Variants in TBC1D32 observed in about 807,000 individuals in gnomAD.
TBC1D32 encodes TBC1 domain family member 32, also known as protein broad-minded.
A neutral mutation model predicts 170.3 loss-of-function variants in TBC1D32; 151 were observed. The observed-to-expected ratio is 0.89, with a 90% confidence interval of 0.78 to 1.01. TBC1D32 has a LOEUF of 1.01. Among genes scored for constraint, TBC1D32 ranks in the 50% least tolerant of loss-of-function variants. The pLI is 0.00. For missense variants in TBC1D32, 1,464 were observed against 1,457.1 expected, an observed-to-expected ratio of 1.00 and a Z score of -0.08; for synonymous variants, 498 against 488.0, an observed-to-expected ratio of 1.02 and a Z score of -0.27.
chr6:121,307,878 G>T, intron 5 of TBC1D32, 98 bp downstream of exon 5: 1 of 1,363,742 alleles, frequency 7.3e-7, no homozygotes, highest in Non-Finnish European at 9.8e-7. Flanking sequence ...AAACAAAAAA[G>T]AAAAGAAAAG....
At chr6:121,155,634 G>A (rs192439476) in intron 24 of TBC1D32, among the ~76,000 whole-genome samples, 11 of 152,172 alleles carry the variant, frequency 7.2e-5, no homozygotes, top group Admixed American at 2.6e-4. Context: ...TGTGATGTTA[G>A]CTGTGGATTT....
rs1442075627 is a variant in TBC1D32, at chr6:121,256,206, T to A, written c.1813A>T (p.Met605Leu). 1 of 1,613,854 alleles carries A rather than the reference T, an allele frequency of 6.2e-7. No homozygotes were observed. Among genetic ancestry groups the A allele is most frequent in the Non-Finnish European group, 8.5e-7 (1 of 1,179,948 alleles). ...AAAGCTCCTTTAACCACAGGCAACA[T>A]TTCTGATCCAGAAAATATAGAAATA... ...EDISIFSGSE[M>L]LPVVKGAFIS... The change falls in exon 16 of 32, where the codon ATG (methionine) becomes TTG (leucine). Residue 605 changes from methionine (M) to leucine (L), a missense_variant. Transcript: ENST00000398212.
Position 121,193,175 on chromosome 6 carries a change from G to A in TBC1D32, c.2570+11900C>T, listed in dbSNP as rs143975167. 1.6e-4 allele frequency among the ~76,000 whole-genome samples: 24 copies of A among 152,310 alleles called. No individual in the cohort carries two copies. In the East Asian group the frequency reaches 4.1e-3, roughly 26 times the overall value. The stretch of plus-strand genomic sequence containing the variant: ...GATCAGGCTGAATTTATTGATTTAG[G>A]TCCACTAAGTAGGGACTCTGCATTT... On this transcript the variant is annotated intron_variant, in intron 22 of 31. Coordinates refer to ENST00000398212, the MANE Select transcript of TBC1D32 (RefSeq NM_152730.6).
intron 2 of TBC1D32, among the ~76,000 whole-genome samples, chr6:121,319,732 C>A (rs115850537): frequency 1.3e-3 from 196 of 152,096 alleles, no homozygotes; most frequent in African/African-American, 4.6e-3. Flanking sequence ...TTGTGCTGTA[C>A]GAAATACTAA....
chr6:121,090,958 G>A lies in TBC1D32; in HGVS notation c.3549C>T (p.Phe1183=). 1.2e-6 allele frequency: 2 copies of A among 1,613,022 alleles called. No homozygotes were observed. The highest frequency in any genetic ancestry group is 2.2e-5 in the South Asian group (2 of 91,030). The change falls in exon 31 of 32, where the codon TTC becomes TTT. Residue 1183 remains phenylalanine (F), a synonymous_variant. Transcript: ENST00000398212. ...EICHYIATCV[F]LGPDYQVYIC... ...TATACACTTGATAATCAGGACCAAG[G>A]AAAACACAAGTAGCAATATAATGGC...
chr6:121,121,450 T>C (rs1444153409), intron 26 of TBC1D32, among the ~76,000 whole-genome samples: 6 of 152,114 alleles, frequency 3.9e-5, no homozygotes, highest in Non-Finnish European at 1.5e-5. Context: ...ACAGGAAAGA[T>C]GATCTGTTAT....
intron 20 of TBC1D32, among the ~76,000 whole-genome samples, chr6:121,230,820 AC>A (rs1226696501): frequency 1.3e-5 from 2 of 151,798 alleles, no homozygotes; most frequent in Non-Finnish European, 2.9e-5. Context: ...TTTTTGGGGA[AC>A]CGATAGTGTA....
intron 24 of TBC1D32, among the ~76,000 whole-genome samples, chr6:121,149,020 AT>A (rs202130802): frequency 0.032 from 4,900 of 151,860 alleles, 264 homozygotes; most frequent in African/African-American, 0.11. Context: ...ATGATGAGCT[AT>A]TTTTTTTCAT....
intron 31 of TBC1D32, among the ~76,000 whole-genome samples, chr6:121,087,168 A>C (rs1249882611): frequency 6.6e-6 from 1 of 152,232 alleles, no homozygotes; most frequent in Non-Finnish European, 1.5e-5. Flanking sequence ...CTGTGAAACA[A>C]TCAGACAATG....
At chr6:121,198,022 C>A (rs1790982479) in intron 22 of TBC1D32, among the ~76,000 whole-genome samples, 1 of 151,630 alleles carries the variant, frequency 6.6e-6, no homozygotes, top group African/African-American at 2.4e-5. Context: ...ATGCTTCCTG[C>A]CCTTGAACAT....
In TBC1D32 at chr6:121,128,950, A is replaced by G. The variant is rs547790009; in HGVS notation, c.2900-2489T>C. 5.3e-5 allele frequency among the ~76,000 whole-genome samples: 8 copies of G among 152,284 alleles called. No individual in the cohort carries two copies. The South Asian group carries it at 1.7e-3, about 32-fold the overall frequency. Reference sequence around the variant, plus strand: ...CCTCATGAAAGGAATTAGTGCCCTTATAATAGAGGCTGAAGGGAGCTGTCC... The same window carrying G: ...CCTCATGAAAGGAATTAGTGCCCTTGTAATAGAGGCTGAAGGGAGCTGTCC... On this transcript the variant is annotated intron_variant, in intron 25 of 31. Coordinates refer to ENST00000398212, the MANE Select transcript of TBC1D32 (RefSeq NM_152730.6).
chr6:121,100,534 C>T (rs1055640504), intron 30 of TBC1D32, among the ~76,000 whole-genome samples: 1 of 151,940 alleles, frequency 6.6e-6, no homozygotes, highest in African/African-American at 2.4e-5. Context: ...TTCTTTGAAA[C>T]CAATGAGAAC....
chr6:121,109,683 TAAATC>T (rs913542792), intron 29 of TBC1D32, among the ~76,000 whole-genome samples: 14 of 152,166 alleles, frequency 9.2e-5, no homozygotes, highest in African/African-American at 3.1e-4. Flanking sequence ...ATAATTTAAT[TAAATC>T]AATACATTAA....
At chr6:121,285,137 T>C (rs946126036) in intron 12 of TBC1D32, among the ~76,000 whole-genome samples, 3 of 152,152 alleles carry the variant, frequency 2.0e-5, no homozygotes, top group African/African-American at 7.2e-5. Context: ...TAAGAATGGA[T>C]TTCACATTTT....
rs1053824795 is a variant in TBC1D32 at position 121,169,655 on chromosome 6, A to G, written c.2571-8599T>C. On this transcript the variant is annotated intron_variant, in intron 22 of 31. Coordinates refer to ENST00000398212, the MANE Select transcript of TBC1D32 (RefSeq NM_152730.6). ...GCTGGTGCCTTAAATTCAAAATCTA[A>G]ATGTTGCTTATGAGCAGCTTCCATA... Among the ~76,000 whole-genome samples the G allele has an allele frequency of 1.3e-5, 2 of 152,244 alleles. 1 individual carries two copies. Among genetic ancestry groups the G allele is most frequent in the South Asian group, 4.1e-4 (2 of 4,820 alleles).
chr6:121,216,023 T>C lies in TBC1D32; in HGVS notation c.2481+7213A>G, dbSNP rs139954812. Among the ~76,000 whole-genome samples, 203 of 152,304 alleles carry C rather than the reference T, an allele frequency of 1.3e-3. 3 individuals are homozygous for C. The highest frequency in any genetic ancestry group is 2.1e-3 in the East Asian group (11 of 5,172). ...ACTGGGTGTGATGGTTAATACTGAG[T>C]GTCAACTTGTTGAATTGAAGGATGC... is the stretch of plus-strand genomic sequence containing the variant. On this transcript the variant is annotated intron_variant, in intron 21 of 31. Transcript: ENST00000398212.
chr6:121,174,359 G>GA (rs548082600), intron 22 of TBC1D32, among the ~76,000 whole-genome samples: 376 of 151,902 alleles, frequency 2.5e-3, no homozygotes, highest in African/African-American at 8.8e-3. Context: ...CTCCCCGGGA[G>GA]AAAAAAAAGT....
intron 24 of TBC1D32, among the ~76,000 whole-genome samples, chr6:121,155,429 T>C (rs1784759404): frequency 6.6e-6 from 1 of 152,140 alleles, no homozygotes; most frequent in South Asian, 2.1e-4. Flanking sequence ...ATGTATAGAA[T>C]TGTATCATCA....
intron 30 of TBC1D32, among the ~76,000 whole-genome samples, chr6:121,095,366 T>C (rs1036622607): frequency 6.6e-6 from 1 of 152,174 alleles, no homozygotes; most frequent in Non-Finnish European, 1.5e-5. Flanking sequence ...AAAACAATCT[T>C]CAAAGGTTCT....
Sources: allele counts gnomAD v4.1 joint callset (sites outside exome capture counted in the v4.1 genomes callset), GRCh38; gene constraint gnomAD v4.1.1; transcripts MANE v1.5; gene names NCBI Gene and HGNC (gene_info 2026-07-23, HGNC 2026-07-21).